The following KAT6B variants were observed in gnomAD, a reference collection of about 807,000 sequenced individuals.
KAT6B encodes lysine acetyltransferase 6B, also known as histone acetyltransferase KAT6B.
A neutral mutation model predicts 187.5 loss-of-function variants in KAT6B; 10 were observed. The observed-to-expected ratio is 0.05, with a 90% CI of 0.03 to 0.09. KAT6B has a LOEUF of 0.09. KAT6B is among the 10% of genes least tolerant of loss of function. The pLI, the probability that KAT6B is intolerant of heterozygous loss-of-function variation, is 1.00. For synonymous variants in KAT6B, 861 were observed against 926.8 expected (o/e 0.93, Z 1.29); for missense variants, 1,952 against 2,558.9 (o/e 0.76, Z 5.12).
At chr10:74,934,923 T>C (rs928873813) in intron 3 of KAT6B, among the ~76,000 whole-genome samples, 4 of 152,216 alleles carry the variant, frequency 2.6e-5, no homozygotes, top group African/African-American at 7.2e-5. Context: ...TCTTGACTTA[T>C]ATCTACTGAC....
At chr10:74,832,222 G>C (rs1348963587) in intron 1 of KAT6B, among the ~76,000 whole-genome samples, 1 of 152,196 alleles carries the variant, frequency 6.6e-6, no homozygotes, top group Admixed American at 6.5e-5. Context: ...AAGGGAACCT[G>C]AATTTTTCAG....
chr10:74,915,656 A>G (rs1422663253), intron 3 of KAT6B, among the ~76,000 whole-genome samples: 2 of 152,254 alleles, frequency 1.3e-5, no homozygotes, highest in African/African-American at 4.8e-5. Context: ...TAATATTTCT[A>G]GAATGAAAGA....
At chr10:74,952,234 A>T (rs1297158800) in intron 3 of KAT6B, among the ~76,000 whole-genome samples, 3 of 151,974 alleles carry the variant, frequency 2.0e-5, no homozygotes, top group Admixed American at 2.0e-4. Context: ...GCGCCAGTAT[A>T]GTCCCAGCTA....
At chr10:74,983,577 G>T (rs892997254) in intron 11 of KAT6B, 3 of 152,174 alleles carry the variant, frequency 2.0e-5, no homozygotes, top group Admixed American at 6.5e-5. Context: ...AAAACACATT[G>T]TTGGCCTTAA....
chr10:74,970,393 A>G (rs924555841), intron 6 of KAT6B, among the ~76,000 whole-genome samples: 2 of 152,098 alleles, frequency 1.3e-5, no homozygotes, highest in Non-Finnish European at 2.9e-5. Context: ...TTAGAATAAG[A>G]TTAGATTATT....
At chr10:75,002,769 T>C (rs1323209145) in intron 13 of KAT6B, among the ~76,000 whole-genome samples, 3 of 152,242 alleles carry the variant, frequency 2.0e-5, no homozygotes, top group African/African-American at 7.2e-5. Context: ...GAATATGTGG[T>C]CCATCGTTGA....
chr10:74,924,895 A>T (rs921278929), intron 3 of KAT6B, among the ~76,000 whole-genome samples: 10 of 147,366 alleles, frequency 6.8e-5, no homozygotes, highest in African/African-American at 2.2e-4. Flanking sequence ...GCTATACTGA[A>T]TTTTTTTTTT....
intron 1 of KAT6B, among the ~76,000 whole-genome samples, chr10:74,828,492 A>G (rs1038358138): frequency 1.3e-5 from 2 of 149,650 alleles, no homozygotes; most frequent in Non-Finnish European, 3.0e-5. Flanking sequence ...TTCCTGTCTT[A>G]CTTGTATACC....
chr10:75,021,452 A>C (rs1029148791), intron 15 of KAT6B, among the ~76,000 whole-genome samples, 167 bp downstream of exon 15: 1 of 152,188 alleles, frequency 6.6e-6, no homozygotes, highest in African/African-American at 2.4e-5. Context: ...AAGACATGAT[A>C]ATTTTATTGA....
At chr10:74,966,992 C>T (rs1362612174) in intron 4 of KAT6B, among the ~76,000 whole-genome samples, 4 of 151,486 alleles carry the variant, frequency 2.6e-5, no homozygotes, top group Non-Finnish European at 4.4e-5. Context: ...ATCATGCCAC[C>T]GCACTCCAGC....
intron 12 of KAT6B, among the ~76,000 whole-genome samples, chr10:74,987,187 G>T (rs544772498): frequency 1.3e-5 from 2 of 152,290 alleles, no homozygotes; most frequent in African/African-American, 4.8e-5. Context: ...TGTAATCCCA[G>T]CACTTTGGGA....
At chr10:74,925,019 T>G (rs1218446216) in intron 3 of KAT6B, among the ~76,000 whole-genome samples, 1 of 152,206 alleles carries the variant, frequency 6.6e-6, no homozygotes, top group Non-Finnish European at 1.5e-5. Flanking sequence ...TTAGTCTCTG[T>G]ATCCAAACCA....
At chr10:74,871,815 C>T (rs1366560369) in intron 3 of KAT6B, among the ~76,000 whole-genome samples, 1 of 152,184 alleles carries the variant, frequency 6.6e-6, no homozygotes. Flanking sequence ...CAAACAGGAA[C>T]GCCCAGAACA....
chr10:74,846,020 C>A (rs1439454703), intron 3 of KAT6B, among the ~76,000 whole-genome samples: 1 of 151,662 alleles, frequency 6.6e-6, no homozygotes, highest in South Asian at 2.1e-4. Flanking sequence ...CACACCACCA[C>A]GCCCGGCTAA....
At chr10:75,011,311 G>A (rs11596486) in intron 13 of KAT6B, among the ~76,000 whole-genome samples, 1 of 151,922 alleles carries the variant, frequency 6.6e-6, no homozygotes, top group African/African-American at 2.4e-5. Flanking sequence ...AAATATCCTA[G>A]AATTTAAAAG....
chr10:74,943,625 C>T (rs112397863), intron 3 of KAT6B, among the ~76,000 whole-genome samples: 18 of 152,040 alleles, frequency 1.2e-4, no homozygotes, highest in African/African-American at 4.4e-4. Context: ...TGACCCTTAT[C>T]TCACCTCATA....
At chr10:74,998,453 G>A (rs1044557425) in intron 13 of KAT6B, among the ~76,000 whole-genome samples, 2 of 152,024 alleles carry the variant, frequency 1.3e-5, no homozygotes, top group African/African-American at 2.4e-5. Flanking sequence ...AAAAAAAGGT[G>A]TAATTAATAG....
At chr10:74,952,880 AG>A (rs1840419944) in intron 3 of KAT6B, among the ~76,000 whole-genome samples, 1 of 61,410 alleles carries the variant, frequency 1.6e-5, no homozygotes, top group Non-Finnish European at 3.3e-5. Context: ...TTGTATTTTT[AG>A]TAGAGCCGAG....
At chr10:74,834,644 C>T (rs959352454) in intron 1 of KAT6B, among the ~76,000 whole-genome samples, 4 of 152,144 alleles carry the variant, frequency 2.6e-5, no homozygotes, top group Non-Finnish European at 4.4e-5. Context: ...GCCTCGGTCT[C>T]CCGAGTAGCT....
Sources: gnomAD v4.1 joint callset for allele counts (sites outside exome capture counted in the v4.1 genomes callset) on GRCh38, gnomAD v4.1.1 for gene constraint, MANE v1.5 for transcripts, NCBI Gene and HGNC (gene_info 2026-07-23, HGNC 2026-07-21) for gene names.